Variants in RSPO2 observed in about 807,000 individuals in gnomAD.
RSPO2 encodes the protein R-spondin 2.
A neutral mutation model predicts 30.9 loss-of-function variants in RSPO2; 14 were observed. The ratio of observed to expected loss-of-function variants is 0.45; its 90% CI spans 0.30 to 0.71. The LOEUF (loss-of-function observed/expected upper bound fraction) is 0.71. RSPO2 is among the 30% of genes least tolerant of loss of function. The pLI is 0.08. For missense variants in RSPO2, 264 were observed against 301.9 expected, an observed-to-expected ratio of 0.87 and a Z score of 0.93; for synonymous variants, 107 against 96.4, an observed-to-expected ratio of 1.11 and a Z score of -0.64.
chr8:107,919,080 C>A (rs1238913164), intron 5 of RSPO2, among the ~76,000 whole-genome samples: 3 of 152,096 alleles, frequency 2.0e-5, no homozygotes, highest in African/African-American at 4.8e-5. Context: ...GGAACCCCAG[C>A]CAGGCCTGCA....
In RSPO2 at chr8:107,958,879, G is replaced by A. The variant is rs62535482; in HGVS notation, c.428-611C>T. Among the ~76,000 whole-genome samples the A allele has an allele frequency of 5.9e-3, 903 of 152,184 alleles. 6 individuals carry two copies. The highest frequency in any genetic ancestry group is 7.9e-3 in the Non-Finnish European group (537 of 67,996). ...ATGTCCCTGCAGGGGACTTGATCTC[G>A]TTCTTTTTTATGGCTGCATAGGATT... On this transcript the variant is annotated intron_variant, in intron 4 of 5. Transcript: ENST00000276659.
At chr8:107,916,870 G>A (rs1811999018) in intron 5 of RSPO2, among the ~76,000 whole-genome samples, 1 of 152,114 alleles carries the variant, frequency 6.6e-6, no homozygotes, top group Non-Finnish European at 1.5e-5. Context: ...AAATTGTAAA[G>A]CATCCTAAAA....
intron 2 of RSPO2, 42 bp downstream of exon 2, chr8:108,082,503 C>A (rs759641673): frequency 6.6e-7 from 1 of 1,512,082 alleles, no homozygotes. Flanking sequence ...CCACACGCCA[C>A]CCCTGAAGCC....
chr8:107,997,109 A>G (rs897779203), intron 2 of RSPO2: 18 of 226,848 alleles, frequency 7.9e-5, no homozygotes, highest in Admixed American at 2.9e-4. Context: ...AACCTCAAAC[A>G]GACTTTTCCA....
intron 3 of RSPO2, among the ~76,000 whole-genome samples, chr8:107,975,031 C>T (rs1220384717): frequency 1.3e-5 from 2 of 152,116 alleles, no homozygotes; most frequent in African/African-American, 4.8e-5. Context: ...CAATTATTTC[C>T]TATTAAATAA....
At chr8:107,930,031 A>T (rs1428594067) in intron 5 of RSPO2, among the ~76,000 whole-genome samples, 3 of 152,218 alleles carry the variant, frequency 2.0e-5, no homozygotes, top group Non-Finnish European at 4.4e-5. Context: ...GATCAGTACC[A>T]TTAAGATCAT....
At chr8:108,006,116 G>A (rs1221221416) in intron 2 of RSPO2, among the ~76,000 whole-genome samples, 1 of 152,102 alleles carries the variant, frequency 6.6e-6, no homozygotes, top group South Asian at 2.1e-4. Flanking sequence ...GAAGAAACAC[G>A]TTTGTGTTTG....
chr8:108,048,852 G>A (rs1355989325), intron 2 of RSPO2, among the ~76,000 whole-genome samples: 1 of 152,172 alleles, frequency 6.6e-6, no homozygotes, highest in African/African-American at 2.4e-5. Context: ...GTGTCCCAGA[G>A]ATTCTGGTAC....
At chr8:108,053,022 A>C (rs1563580377) in intron 2 of RSPO2, among the ~76,000 whole-genome samples, 1 of 152,136 alleles carries the variant, frequency 6.6e-6, no homozygotes, top group Non-Finnish European at 1.5e-5. Context: ...TAACCTAGGT[A>C]GGGTATTATT....
chr8:108,022,935 A>AC (rs1333717503), intron 2 of RSPO2, among the ~76,000 whole-genome samples: 2 of 150,136 alleles, frequency 1.3e-5, no homozygotes, highest in Admixed American at 6.6e-5. Context: ...AAAAAAAACA[A>AC]AAAAAAAAAC....
rs1340489312 is a variant in RSPO2 at position 107,899,472 on chromosome 8, A to C, written c.*1603T>G. On this transcript the variant is annotated 3_prime_UTR_variant, in exon 6 of 6. Transcript: ENST00000276659. The stretch of plus-strand genomic sequence containing the variant: ...GAAAGGAGGTAACACTTCAGGATTA[A>C]ATGTAAACCCTAAAGTTGTATACAA... The C allele has an allele frequency of 1.3e-5, 2 of 152,626 alleles. No individual in the cohort carries two copies. Among genetic ancestry groups the C allele is most frequent in the Non-Finnish European group, 2.9e-5 (2 of 68,038 alleles). 9.5% of individuals were successfully genotyped at this position (152,626 alleles called of 1,614,324 possible).
chr8:107,973,669 A>C (rs1814098943), intron 3 of RSPO2, among the ~76,000 whole-genome samples: 2 of 152,206 alleles, frequency 1.3e-5, no homozygotes, highest in Non-Finnish European at 2.9e-5. Flanking sequence ...TGAGAGTGAA[A>C]CAAATGCATA....
At chr8:108,054,586 A>G (rs1812184394) in intron 2 of RSPO2, among the ~76,000 whole-genome samples, 1 of 152,190 alleles carries the variant, frequency 6.6e-6, no homozygotes, top group Non-Finnish European at 1.5e-5. Context: ...AAAGAAAAGG[A>G]TTTTGATAGA....
intron 2 of RSPO2, among the ~76,000 whole-genome samples, chr8:108,075,937 G>A (rs1331819163): frequency 6.6e-6 from 1 of 152,124 alleles, no homozygotes; most frequent in Non-Finnish European, 1.5e-5. Context: ...ATGTACCGTA[G>A]TTCTGCCTAA....
intron 3 of RSPO2, among the ~76,000 whole-genome samples, chr8:107,970,222 CAA>C (rs1813947911): frequency 6.6e-6 from 1 of 151,970 alleles, no homozygotes; most frequent in Non-Finnish European, 1.5e-5. Flanking sequence ...GGATGTTTTC[CAA>C]AAAAACTTTA....
intron 5 of RSPO2, among the ~76,000 whole-genome samples, chr8:107,911,116 C>T (rs1175565286): frequency 6.6e-6 from 1 of 152,190 alleles, no homozygotes; most frequent in Non-Finnish European, 1.5e-5. Flanking sequence ...GGCTCCCCCA[C>T]GGCTTCTGGC....
chr8:107,901,058 C>A lies in RSPO2; in HGVS notation c.*17G>T. On this transcript the variant is annotated 3_prime_UTR_variant, in exon 6 of 6. Coordinates refer to ENST00000276659, the MANE Select transcript of RSPO2 (RefSeq NM_178565.5). Reference sequence around the variant, plus strand: ...TGCAAAAACAAAAACCCCTAAAAATCTACCGGATCTCTTGTTTTATTGGTT... The same window carrying A: ...TGCAAAAACAAAAACCCCTAAAAATATACCGGATCTCTTGTTTTATTGGTT... The A allele has an allele frequency of 6.2e-7, 1 of 1,609,858 alleles. No individual in the cohort carries two copies.
intron 3 of RSPO2, among the ~76,000 whole-genome samples, chr8:107,970,134 A>G (rs1813944383): frequency 6.6e-6 from 1 of 152,216 alleles, no homozygotes; most frequent in African/African-American, 2.4e-5. Context: ...TTTGCAGACC[A>G]TACGGTATCT....
At chr8:108,079,003 T>A (rs1813103147) in intron 2 of RSPO2, among the ~76,000 whole-genome samples, 1 of 152,140 alleles carries the variant, frequency 6.6e-6, no homozygotes, top group Non-Finnish European at 1.5e-5. Flanking sequence ...CTTTCAGTAA[T>A]CCAGTCTGAA....
Sources: gnomAD v4.1 joint callset for allele counts (sites outside exome capture counted in the v4.1 genomes callset) on GRCh38, gnomAD v4.1.1 for gene constraint, MANE v1.5 for transcripts, NCBI Gene and HGNC (gene_info 2026-07-23, HGNC 2026-07-21) for gene names.